The following DIPK1A variants were observed in gnomAD, a reference collection of about 807,000 sequenced individuals.
DIPK1A encodes the protein divergent protein kinase domain 1A, also known as family with sequence similarity 69 member A.
DIPK1A carries 27 observed loss-of-function variants against 40.8 expected under a neutral mutation model. The ratio of observed to expected loss-of-function variants is 0.66; its 90% confidence interval spans 0.49 to 0.91. The LOEUF is 0.91. Ranked by LOEUF, DIPK1A falls within the 40% of genes least tolerant of loss-of-function variation. The pLI is 0.00. For synonymous variants in DIPK1A, 166 were observed against 171.3 expected, an observed-to-expected ratio of 0.97 and a Z score of 0.24; for missense variants, 412 against 505.7, an observed-to-expected ratio of 0.81 and a Z score of 1.78.
At chr1:92,880,863 C>T (rs951658351) in intron 1 of DIPK1A, among the ~76,000 whole-genome samples, 5 of 149,184 alleles carry the variant, frequency 3.4e-5, no homozygotes, top group Non-Finnish European at 7.4e-5. Flanking sequence ...GAGCGAGACT[C>T]CGTCTCCAAA....
intron 1 of DIPK1A, among the ~76,000 whole-genome samples, chr1:92,951,179 G>T (rs1399357380): frequency 1.3e-5 from 2 of 152,206 alleles, no homozygotes; most frequent in African/African-American, 4.8e-5. Flanking sequence ...AGAAGAGGAA[G>T]GCAGAGGAGT....
intron 3 of DIPK1A, among the ~76,000 whole-genome samples, chr1:92,848,481 C>G (rs1687708300): frequency 6.6e-6 from 1 of 152,024 alleles, no homozygotes; most frequent in South Asian, 2.1e-4. Flanking sequence ...GCTGGCTCTG[C>G]CTGGAATGTA....
At chr1:92,833,279 T>G in intron 4 of DIPK1A, 1 of 882,346 alleles carries the variant, frequency 1.1e-6, no homozygotes, top group Non-Finnish European at 1.8e-6. Flanking sequence ...AAGTGACAGT[T>G]GTCTGTTTAC....
chr1:92,888,386 G>A (rs2391177), intron 1 of DIPK1A, among the ~76,000 whole-genome samples: 104,445 of 152,100 alleles, frequency 0.69, 36,371 homozygotes, highest in East Asian at 0.95. Context: ...TTTATAGCTA[G>A]ATAGTATTCC....
intron 2 of DIPK1A, among the ~76,000 whole-genome samples, chr1:92,860,622 T>C (rs1014464448): frequency 2.3e-4 from 6 of 25,560 alleles, no homozygotes; most frequent in African/African-American, 7.0e-4. Context: ...AAACCCAATT[T>C]CTACTAAAAA....
At chr1:92,877,982 A>T (rs1446712860) in intron 1 of DIPK1A, among the ~76,000 whole-genome samples, 2 of 152,260 alleles carry the variant, frequency 1.3e-5, no homozygotes, top group Non-Finnish European at 2.9e-5. Context: ...CTGGGCAAGA[A>T]GCCAACAATA....
chr1:92,878,192 C>T (rs1339510296), intron 1 of DIPK1A, among the ~76,000 whole-genome samples: 1 of 152,060 alleles, frequency 6.6e-6, no homozygotes, highest in Non-Finnish European at 1.5e-5. Flanking sequence ...ACAAACAATC[C>T]AGTTTCTTCA....
chr1:92,868,829 G>A (rs1010678119), intron 2 of DIPK1A, among the ~76,000 whole-genome samples: 2 of 151,938 alleles, frequency 1.3e-5, no homozygotes, highest in African/African-American at 4.8e-5. Context: ...AGCCGGGCAT[G>A]GTGGCAGGCG....
chr1:92,891,901 C>T (rs913268006), intron 1 of DIPK1A, among the ~76,000 whole-genome samples: 1 of 152,190 alleles, frequency 6.6e-6, no homozygotes, highest in Non-Finnish European at 1.5e-5. Flanking sequence ...CATGGAGCCT[C>T]GCTCATTGCT....
intron 1 of DIPK1A, among the ~76,000 whole-genome samples, chr1:92,906,229 CCACT>C (rs1649617424): frequency 6.6e-6 from 1 of 152,000 alleles, no homozygotes; most frequent in African/African-American, 2.4e-5. Flanking sequence ...CTTCTTCCAC[CCACT>C]ATTTCCTAAC....
chr1:92,880,353 A>T (rs747129956), intron 1 of DIPK1A, among the ~76,000 whole-genome samples: 8 of 152,370 alleles, frequency 5.3e-5, no homozygotes, highest in Non-Finnish European at 8.8e-5. Context: ...AGCAGTTATC[A>T]CTAGAGTAAA....
chr1:92,954,214 G>A (rs1651748871), intron 1 of DIPK1A, among the ~76,000 whole-genome samples: 1 of 151,642 alleles, frequency 6.6e-6, no homozygotes, highest in Admixed American at 6.6e-5. Flanking sequence ...TATAATCCTA[G>A]CATTTTGGAA....
At chr1:92,957,115 C>A (rs2100924569) in intron 1 of DIPK1A, among the ~76,000 whole-genome samples, 1 of 152,228 alleles carries the variant, frequency 6.6e-6, no homozygotes, top group East Asian at 1.9e-4. Flanking sequence ...TATTTTAAAC[C>A]AAAACCAACA....
intron 2 of DIPK1A, among the ~76,000 whole-genome samples, chr1:92,866,114 T>C (rs1197524036): frequency 6.6e-6 from 1 of 152,178 alleles, no homozygotes. Flanking sequence ...TGTTTGTTTG[T>C]TTTTTGAGAC....
rs1342467023 is a variant in DIPK1A, at chr1:92,872,132, T to C, written c.189+4164A>G. On this transcript the variant is annotated intron_variant, in intron 2 of 4. Transcript: ENST00000370310. The stretch of plus-strand genomic sequence containing the variant: ...TCTCCCTCTGTCACCCAGGCTGGAG[T>C]GCAGTGATGTGATCTCAGCTCACTG... Among the ~76,000 whole-genome samples, 11 of 129,438 alleles carry C rather than the reference T, an allele frequency of 8.5e-5. No individual in the cohort carries two copies. The East Asian group carries it at 1.3e-3, about 15-fold the overall frequency. The allele number at this position is 129,438 out of a possible 152,430, so 84.9% of individuals were successfully genotyped here. A position where few individuals can be genotyped will look rare whatever the true frequency, so the allele number is the denominator to read the frequency against.
intron 1 of DIPK1A, among the ~76,000 whole-genome samples, chr1:92,890,343 C>T (rs1393230592): frequency 1.3e-5 from 2 of 152,112 alleles, no homozygotes; most frequent in Admixed American, 1.3e-4. Flanking sequence ...CTAGGACTTC[C>T]AGTACTATGT....
At chr1:92,838,302 T>C (rs1687203720), downstream of DIPK1A, among the ~76,000 whole-genome samples, 1 of 152,228 alleles carries the variant, frequency 6.6e-6, no homozygotes, top group Non-Finnish European at 1.5e-5. Context: ...GAGTAGTTTT[T>C]TATCAATAAT....
At chr1:92,923,859 C>T (rs928050844) in intron 1 of DIPK1A, among the ~76,000 whole-genome samples, 1 of 152,046 alleles carries the variant, frequency 6.6e-6, no homozygotes, top group Non-Finnish European at 1.5e-5. Context: ...CTTAGTGTTA[C>T]ACAGAAATGA....
intron 1 of DIPK1A, among the ~76,000 whole-genome samples, chr1:92,887,629 A>T (rs989690703): frequency 6.6e-6 from 1 of 152,140 alleles, no homozygotes; most frequent in Admixed American, 6.6e-5. Flanking sequence ...TGACCTGTAG[A>T]TGTGTGATTG....
Sources: allele counts gnomAD v4.1 joint callset (sites outside exome capture counted in the v4.1 genomes callset), GRCh38; gene constraint gnomAD v4.1.1; transcripts MANE v1.5; gene names NCBI Gene and HGNC (gene_info 2026-07-23, HGNC 2026-07-21).